The following NRG3 variants were observed in gnomAD, a reference collection of about 807,000 sequenced individuals.
The protein encoded by NRG3 is pro-neuregulin-3, membrane-bound isoform.
NRG3 carries 31 observed loss-of-function variants against 66.9 expected under a neutral mutation model. The observed-to-expected ratio is 0.46, with a 90% CI of 0.35 to 0.63. NRG3 has a LOEUF of 0.63. Among genes scored for constraint, NRG3 ranks in the 20% least tolerant of loss-of-function variants. The probability of loss-of-function intolerance (pLI) is 0.00; values close to 1 mark genes in which losing one functional copy is unlikely to be tolerated. For missense variants in NRG3, 910 were observed against 878.9 expected (o/e 1.04, Z -0.45); for synonymous variants, 393 against 359.4 (o/e 1.09, Z -1.06).
At chr10:81,942,980 G>A (rs1320622585) in intron 1 of NRG3, among the ~76,000 whole-genome samples, 5 of 151,992 alleles carry the variant, frequency 3.3e-5, no homozygotes, top group Non-Finnish European at 5.9e-5. Context: ...ATTTTCTACC[G>A]GCCAGTTTGT....
At chr10:82,263,616 C>A (rs559567970) in intron 1 of NRG3, among the ~76,000 whole-genome samples, 2 of 151,788 alleles carry the variant, frequency 1.3e-5, no homozygotes, top group Admixed American at 6.6e-5. Flanking sequence ...TACACACACA[C>A]CACACACACA....
intron 1 of NRG3, among the ~76,000 whole-genome samples, chr10:82,103,049 A>T (rs1236929329): frequency 6.6e-6 from 1 of 152,078 alleles, no homozygotes; most frequent in African/African-American, 2.4e-5. Context: ...ATTATTTCAG[A>T]CTATCTTCAT....
chr10:82,706,519 T>C (rs1382415054), intron 2 of NRG3, among the ~76,000 whole-genome samples: 2 of 152,168 alleles, frequency 1.3e-5, no homozygotes, highest in Non-Finnish European at 2.9e-5. Flanking sequence ...TGAGTCTCCA[T>C]CCTGGACAAG....
intron 1 of NRG3, among the ~76,000 whole-genome samples, chr10:82,276,095 G>A (rs866365054): frequency 2.6e-5 from 4 of 151,864 alleles, no homozygotes; most frequent in African/African-American, 9.7e-5. Flanking sequence ...ACAACAATAA[G>A]TTCGTTTTAT....
At chr10:81,921,692 G>C (rs145563756) in intron 1 of NRG3, among the ~76,000 whole-genome samples, 1 of 151,960 alleles carries the variant, frequency 6.6e-6, no homozygotes, top group East Asian at 1.9e-4. Context: ...TGTTGTTCTG[G>C]CCATTCCTTT....
intron 3 of NRG3, among the ~76,000 whole-genome samples, chr10:82,818,239 G>A (rs2061797753): frequency 6.6e-6 from 1 of 152,192 alleles, no homozygotes; most frequent in African/African-American, 2.4e-5. Flanking sequence ...GCACTGGTGG[G>A]AGTGTCTTAT....
intron 1 of NRG3, among the ~76,000 whole-genome samples, chr10:82,221,588 A>G (rs2075947875): frequency 6.6e-6 from 1 of 152,232 alleles, no homozygotes; most frequent in Admixed American, 6.5e-5. Flanking sequence ...GAAAAAAATC[A>G]AACCTAATGC....
At chr10:82,050,039 C>T (rs558589678) in intron 1 of NRG3, among the ~76,000 whole-genome samples, 39 of 152,112 alleles carry the variant, frequency 2.6e-4, no homozygotes, top group African/African-American at 9.4e-4. Flanking sequence ...TATGGTCTTC[C>T]TTTCCAGTGT....
intron 2 of NRG3, among the ~76,000 whole-genome samples, chr10:82,522,099 G>A (rs916088827): frequency 2.0e-5 from 3 of 147,874 alleles, no homozygotes; most frequent in South Asian, 2.1e-4. Context: ...GCTGGAGTGC[G>A]GTGGTGCAAT....
intron 2 of NRG3, among the ~76,000 whole-genome samples, chr10:82,702,706 C>T (rs1449526735): frequency 3.3e-5 from 5 of 152,034 alleles, no homozygotes; most frequent in Non-Finnish European, 7.4e-5. Flanking sequence ...TTCTCATCTC[C>T]GACTTGAAAA....
chr10:82,251,604 C>G (rs560888763), intron 1 of NRG3, among the ~76,000 whole-genome samples: 1 of 152,084 alleles, frequency 6.6e-6, no homozygotes, highest in Non-Finnish European at 1.5e-5. Flanking sequence ...ATCCTGGTGC[C>G]GCTCCTGACC....
intron 2 of NRG3, among the ~76,000 whole-genome samples, chr10:82,728,987 G>T (rs2057755569): frequency 6.6e-6 from 1 of 152,054 alleles, no homozygotes; most frequent in South Asian, 2.1e-4. Flanking sequence ...GTTTGTGTGT[G>T]TGTGTGAGGG....
intron 3 of NRG3, among the ~76,000 whole-genome samples, chr10:82,864,655 A>G (rs1167582906): frequency 6.6e-6 from 1 of 152,232 alleles, no homozygotes; most frequent in African/African-American, 2.4e-5. Context: ...CCAGCCCAGT[A>G]CAGTTCATTG....
At chr10:82,011,219 G>A (rs1282209093) in intron 1 of NRG3, among the ~76,000 whole-genome samples, 4 of 152,128 alleles carry the variant, frequency 2.6e-5, no homozygotes, top group African/African-American at 9.7e-5. Flanking sequence ...AGCAAGCCAC[G>A]TCTTAAATGA....
chr10:82,443,904 T>C (rs2090571465), intron 2 of NRG3, among the ~76,000 whole-genome samples: 1 of 152,174 alleles, frequency 6.6e-6, no homozygotes, highest in African/African-American at 2.4e-5. Flanking sequence ...AGAGGTGAAC[T>C]GGTCACCTAT....
chr10:82,514,041 T>C (rs992905250), intron 2 of NRG3, among the ~76,000 whole-genome samples: 2 of 152,158 alleles, frequency 1.3e-5, no homozygotes, highest in African/African-American at 4.8e-5. Flanking sequence ...AGGTTGTTTG[T>C]TTTTTCCTGT....
At chr10:82,686,275 C>A (rs1224589478) in intron 2 of NRG3, among the ~76,000 whole-genome samples, 1 of 151,794 alleles carries the variant, frequency 6.6e-6, no homozygotes, top group East Asian at 1.9e-4. Context: ...GCAACCTCTG[C>A]CTCCTGGATT....
intron 1 of NRG3, among the ~76,000 whole-genome samples, chr10:82,162,487 A>G (rs369104056): frequency 2.6e-5 from 4 of 152,136 alleles, no homozygotes; most frequent in Admixed American, 2.0e-4. Context: ...TCAGCCACTG[A>G]CTTTTAACAT....
chr10:82,368,859 G>A lies in NRG3; in HGVS notation c.953+9991G>A, dbSNP rs142406262. On this transcript the variant is annotated intron_variant, in intron 2 of 8. Transcript: ENST00000372141. The stretch of plus-strand genomic sequence containing the variant: ...TAACCTTGGTACCACAGGCCCCGCC[G>A]TGCAAGCTTCTTGGGTAAATATTTC... Among the ~76,000 whole-genome samples, 41 of 138,548 alleles carry A rather than the reference G, an allele frequency of 3.0e-4. 2 individuals are homozygous for A. The highest frequency in any genetic ancestry group is 1.1e-3 in the Admixed American group (16 of 14,720). The allele number at this position is 138,548 out of a possible 152,430, so 90.9% of individuals were successfully genotyped here. A position where few individuals can be genotyped will look rare whatever the true frequency, so the allele number is the denominator to read the frequency against.
Sources: gnomAD v4.1 joint callset for allele counts (sites outside exome capture counted in the v4.1 genomes callset) on GRCh38, gnomAD v4.1.1 for gene constraint, MANE v1.5 for transcripts, NCBI Gene and HGNC (gene_info 2026-07-23, HGNC 2026-07-21) for gene names.